PCCB: variants seen among roughly 807,000 people sequenced by gnomAD.
The protein encoded by PCCB is propionyl-CoA carboxylase beta chain, mitochondrial.
In PCCB, 43 loss-of-function variants were observed where a neutral mutation model predicts 60.7. The observed-to-expected ratio is 0.71, with a 90% CI of 0.55 to 0.91. The LOEUF (loss-of-function observed/expected upper bound fraction) is 0.91, where lower values mean the gene tolerates loss of function less well. Among genes scored for constraint, PCCB ranks in the 40% least tolerant of loss-of-function variants. The pLI is 0.00. For synonymous variants in PCCB, 276 were observed against 255.9 expected (o/e 1.08, Z -0.75); for missense variants, 766 against 702.8 (o/e 1.09, Z -1.02).
At chr3:136,265,477 A>G (rs1325367151) in intron 5 of PCCB, among the ~76,000 whole-genome samples, 1 of 152,156 alleles carries the variant, frequency 6.6e-6, no homozygotes, top group Non-Finnish European at 1.5e-5. Flanking sequence ...TGTAATATGT[A>G]TCAGTTTGTT....
intron 6 of PCCB, among the ~76,000 whole-genome samples, chr3:136,285,933 T>A (rs1273493298): frequency 6.6e-6 from 1 of 152,188 alleles, no homozygotes; most frequent in Admixed American, 6.5e-5. Context: ...CAGTGGAAAA[T>A]ACTAAGTCTT....
At chr3:136,329,660 G>GTA (rs1209956823) in intron 14 of PCCB, among the ~76,000 whole-genome samples, 1 of 152,130 alleles carries the variant, frequency 6.6e-6, no homozygotes, top group Non-Finnish European at 1.5e-5. Flanking sequence ...AGCAAGCAGG[G>GTA]TATAGGGAGG....
At chr3:136,252,210 C>A (rs1432950378) in intron 1 of PCCB, 6 of 450,300 alleles carry the variant, frequency 1.3e-5, no homozygotes, top group South Asian at 4.7e-5. Context: ...AATTTTTGAC[C>A]ATTTCCGTAG....
chr3:136,294,000 G>T, intron 7 of PCCB, 136 bp downstream of exon 7: 1 of 672,056 alleles, frequency 1.5e-6, no homozygotes. Context: ...ACAGTCTATT[G>T]TACTACACTA....
intron 5 of PCCB, among the ~76,000 whole-genome samples, chr3:136,274,450 C>G (rs751084224): frequency 2.0e-5 from 3 of 152,094 alleles, no homozygotes; most frequent in Non-Finnish European, 2.9e-5. Flanking sequence ...AGATAGAACC[C>G]CAATCCCTTC....
chr3:136,315,210 T>C (rs560472872), intron 9 of PCCB, among the ~76,000 whole-genome samples: 2 of 152,338 alleles, frequency 1.3e-5, no homozygotes, highest in East Asian at 3.9e-4. Flanking sequence ...AGGATACTAT[T>C]GGAACAATTG....
At chr3:136,309,533 C>T (rs1934579595) in intron 9 of PCCB, among the ~76,000 whole-genome samples, 1 of 152,040 alleles carries the variant, frequency 6.6e-6, no homozygotes, top group Non-Finnish European at 1.5e-5. Context: ...GGTGTGGTGG[C>T]TCATGCCTAT....
At chr3:136,312,799 A>G (rs1272538921) in intron 9 of PCCB, among the ~76,000 whole-genome samples, 3 of 152,200 alleles carry the variant, frequency 2.0e-5, no homozygotes, top group African/African-American at 7.2e-5. Context: ...GCAAAAAACT[A>G]TAAATAAAAT....
chr3:136,297,825 G>A lies in PCCB; in HGVS notation c.764-127G>A, dbSNP rs557269731. The A allele has an allele frequency of 9.3e-6, 9 of 967,124 alleles. 1 individual carries two copies. The South Asian group carries it at 1.0e-4, about 11-fold the overall frequency. The allele number at this position is 967,124 out of a possible 1,614,324, so 59.9% of individuals were successfully genotyped here. A position where few individuals can be genotyped will look rare whatever the true frequency, so the allele number is the denominator to read the frequency against. On this transcript the variant is annotated intron_variant, in intron 7 of 14. Coordinates refer to ENST00000251654, the MANE Select transcript of PCCB (RefSeq NM_000532.5). ...TGGCATTACATCCTCAGTGGAGGGT[G>A]CAGAGAACAGAGCTATCAGCACGGT...
At chr3:136,296,796 A>G (rs1199135824) in intron 7 of PCCB, among the ~76,000 whole-genome samples, 1 of 152,262 alleles carries the variant, frequency 6.6e-6, no homozygotes. Context: ...TAGCAAAGGA[A>G]TTAAAAATTT....
chr3:136,301,054 C>T lies in PCCB; in HGVS notation c.909C>T (p.Asp303=), dbSNP rs375740382. 7 of 1,614,042 alleles carry T rather than the reference C, an allele frequency of 4.3e-6. No individual in the cohort carries two copies. Among genetic ancestry groups the T allele is most frequent in the Non-Finnish European group, 5.9e-6 (7 of 1,179,996 alleles). The change falls in exon 9 of 15, where the codon GAC becomes GAT. Residue 303 remains aspartate (D), a synonymous_variant. Transcript: ENST00000251654. ...GTGACCGTCTGGTTCCTGAGCTTGA[C>T]ACAATTGTCCCTTTGGAATCAACCA... ...DPSDRLVPEL[D]TIVPLESTKA... is the part of the protein sequence containing the mutation.
At chr3:136,291,254 C>T (rs1275766948) in intron 6 of PCCB, among the ~76,000 whole-genome samples, 1 of 152,162 alleles carries the variant, frequency 6.6e-6, no homozygotes, top group Non-Finnish European at 1.5e-5. Flanking sequence ...ACTACAGACA[C>T]ATGCCATTAC....
At chr3:136,301,581 A>T (rs1934283804) in intron 9 of PCCB, among the ~76,000 whole-genome samples, 1 of 152,088 alleles carries the variant, frequency 6.6e-6, no homozygotes, top group African/African-American at 2.4e-5. Context: ...TTTTTGGTAC[A>T]GCAGATTCCT....
intron 5 of PCCB, among the ~76,000 whole-genome samples, chr3:136,280,382 T>A (rs1942444962): frequency 6.6e-6 from 1 of 152,258 alleles, no homozygotes; most frequent in Non-Finnish European, 1.5e-5. Flanking sequence ...AGTTTTGCTC[T>A]GTTGCCCAGG....
At position 136,255,918 on chromosome 3, in the gene PCCB, C is replaced by T. The variant is rs150449954; in HGVS notation, c.246C>T (p.Ser82=). ...LLLDPGSFVE[S]DMFVEHRCAD... is the part of the protein sequence containing the mutation. ...TGGACCCTGGCAGCTTTGTTGAGAG[C>T]GACATGTTTGTGGAACACAGATGTG... The change falls in exon 2 of 15, where the codon AGC becomes AGT. Residue 82 remains serine, a synonymous_variant. Transcript: ENST00000251654. 31 of 1,613,910 alleles carry T rather than the reference C, an allele frequency of 1.9e-5. No individual in the cohort carries two copies. Among genetic ancestry groups the T allele is most frequent in the Middle Eastern group, 1.6e-4 (1 of 6,084 alleles).
intron 5 of PCCB, among the ~76,000 whole-genome samples, chr3:136,275,150 T>A (rs1942306376): frequency 6.6e-6 from 1 of 152,188 alleles, no homozygotes; most frequent in East Asian, 1.9e-4. Context: ...TATTTTTGTC[T>A]GATTGGGTTA....
intron 5 of PCCB, among the ~76,000 whole-genome samples, chr3:136,263,838 C>G (rs1941896196): frequency 6.6e-6 from 1 of 152,026 alleles, no homozygotes; most frequent in East Asian, 1.9e-4. Context: ...ATGGTGAAAT[C>G]CTGTCTCTAT....
chr3:136,264,040 A>G (rs1222966480), intron 5 of PCCB, among the ~76,000 whole-genome samples: 1 of 151,994 alleles, frequency 6.6e-6, no homozygotes, highest in Non-Finnish European at 1.5e-5. Context: ...CAAACTTCAC[A>G]GAAAAATGAC....
In PCCB at chr3:136,262,077, G is replaced by A; in HGVS notation, c.543+12G>A. 1.3e-6 allele frequency: 2 copies of A among 1,484,606 alleles called. No individual in the cohort carries two copies. Among genetic ancestry groups the A allele is most frequent in the Non-Finnish European group, 1.8e-6 (2 of 1,085,370 alleles). The allele number at this position is 1,484,606 out of a possible 1,614,324, so 92.0% of individuals were successfully genotyped here. A position where few individuals can be genotyped will look rare whatever the true frequency, so the allele number is the denominator to read the frequency against. On this transcript the variant is annotated intron_variant, in intron 5 of 14. Transcript: ENST00000251654. ...CAGACATCTTTCTGGTGAGAAACCT[G>A]TTAATAGAGAATAAAAAAATACAGG...
Sources: gnomAD v4.1 joint callset for allele counts (sites outside exome capture counted in the v4.1 genomes callset) on GRCh38, gnomAD v4.1.1 for gene constraint, MANE v1.5 for transcripts, NCBI Gene and HGNC (gene_info 2026-07-23, HGNC 2026-07-21) for gene names.